Variants in CRTC3 observed in about 807,000 individuals in gnomAD.
CRTC3 encodes the protein CREB-regulated transcription coactivator 3.
A neutral mutation model predicts 74.5 loss-of-function variants in CRTC3; 26 were observed. The observed-to-expected ratio is 0.35, with a 90% CI of 0.26 to 0.48. CRTC3 has a LOEUF of 0.48. Among genes scored for constraint, CRTC3 ranks in the 20% least tolerant of loss-of-function variants. The pLI is 0.99. For missense variants in CRTC3, 760 were observed against 787.3 expected (o/e 0.97, Z 0.41); for synonymous variants, 377 against 325.8 (o/e 1.16, Z -1.69).
chr15:90,608,602 T>G (rs1968286786), intron 6 of CRTC3, among the ~76,000 whole-genome samples: 1 of 152,254 alleles, frequency 6.6e-6, no homozygotes. Context: ...TCTTAGCACC[T>G]GCAATGCTTG....
intron 2 of CRTC3, among the ~76,000 whole-genome samples, chr15:90,545,810 CT>C (rs1966843367): frequency 6.6e-6 from 1 of 151,746 alleles, no homozygotes; most frequent in South Asian, 2.1e-4. Context: ...CATCTCCTGA[CT>C]TTGTGATCCG....
chr15:90,587,377 A>G (rs1967690334), intron 2 of CRTC3, among the ~76,000 whole-genome samples: 1 of 152,188 alleles, frequency 6.6e-6, no homozygotes, highest in Non-Finnish European at 1.5e-5. Flanking sequence ...CATTACAGAA[A>G]GAGTTCTGCC....
intron 2 of CRTC3, among the ~76,000 whole-genome samples, chr15:90,582,002 A>G (rs1967553274): frequency 6.6e-6 from 1 of 152,142 alleles, no homozygotes; most frequent in South Asian, 2.1e-4. Flanking sequence ...GTGGCCTCCA[A>G]GGGTGCCTTT....
At chr15:90,578,378 C>T (rs935104683) in intron 2 of CRTC3, among the ~76,000 whole-genome samples, 3 of 152,016 alleles carry the variant, frequency 2.0e-5, no homozygotes, top group Non-Finnish European at 4.4e-5. Flanking sequence ...AAAACCCCGT[C>T]TCTACTAAAA....
chr15:90,641,086 G>A lies in CRTC3; in HGVS notation c.1549-11G>A, dbSNP rs756611245. 8.8e-6 allele frequency: 14 copies of A among 1,593,152 alleles called. No individual in the cohort carries two copies. In the South Asian group the frequency reaches 8.8e-5, roughly 10 times the overall value. ...GTGTGGCCTTCCTCACATGACCTTC[G>A]ATGCTTCCAGGTGCCTCTGGTGCAA... On this transcript the variant is annotated splice_polypyrimidine_tract_variant and intron_variant, in intron 13 of 14. Coordinates refer to ENST00000268184, the MANE Select transcript of CRTC3 (RefSeq NM_022769.5).
At chr15:90,586,647 A>T (rs887701282) in intron 2 of CRTC3, among the ~76,000 whole-genome samples, 1 of 152,116 alleles carries the variant, frequency 6.6e-6, no homozygotes, top group Non-Finnish European at 1.5e-5. Context: ...GGTGTGAGCC[A>T]CCGTGCCTGG....
chr15:90,600,437 T>TC (rs1460278655), intron 3 of CRTC3: 1 of 151,856 alleles, frequency 6.6e-6, no homozygotes, highest in Non-Finnish European at 1.5e-5. Context: ...CCCAGAACAC[T>TC]CCAGGTACTA....
At chr15:90,585,612 G>A (rs565018595) in intron 2 of CRTC3, among the ~76,000 whole-genome samples, 3 of 152,264 alleles carry the variant, frequency 2.0e-5, no homozygotes, top group Admixed American at 6.5e-5. Flanking sequence ...TTAGTTTTTA[G>A]GCTGCTACAA....
At chr15:90,555,348 A>G (rs1250512257) in intron 2 of CRTC3, among the ~76,000 whole-genome samples, 1 of 152,212 alleles carries the variant, frequency 6.6e-6, no homozygotes, top group East Asian at 1.9e-4. Context: ...TTTATTCATT[A>G]ATAAGTATTT....
At chr15:90,612,802 C>T (rs1247016561) in intron 6 of CRTC3, among the ~76,000 whole-genome samples, 1 of 152,110 alleles carries the variant, frequency 6.6e-6, no homozygotes, top group Admixed American at 6.5e-5. Context: ...CTCTCTGCAC[C>T]TCAGTGTTCA....
chr15:90,626,115 C>T (rs1968827007), intron 10 of CRTC3, 122 bp downstream of exon 10: 2 of 786,826 alleles, frequency 2.5e-6, no homozygotes, highest in Admixed American at 1.9e-5. Context: ...TGATAATGTA[C>T]CTTCTTGTAT....
chr15:90,573,367 C>G (rs1967322511), intron 2 of CRTC3, among the ~76,000 whole-genome samples: 1 of 152,130 alleles, frequency 6.6e-6, no homozygotes, highest in African/African-American at 2.4e-5. Context: ...GTTTTATGCT[C>G]TAATTTGTAT....
At chr15:90,613,225 C>T (rs947168840) in intron 6 of CRTC3, among the ~76,000 whole-genome samples, 12 of 151,714 alleles carry the variant, frequency 7.9e-5, no homozygotes, top group Admixed American at 5.3e-4. Flanking sequence ...ATTCCTTGGC[C>T]GACTCTCACA....
intron 6 of CRTC3, among the ~76,000 whole-genome samples, chr15:90,612,019 A>ACCC (rs1968367761): frequency 1.6e-5 from 1 of 61,662 alleles, no homozygotes; most frequent in Non-Finnish European, 3.3e-5. Flanking sequence ...TTCCCCAACC[A>ACCC]CCCCCCACTC....
chr15:90,642,996 C>T lies in CRTC3; in HGVS notation c.*856C>T. On this transcript the variant is annotated 3_prime_UTR_variant, in exon 15 of 15. Transcript: ENST00000268184. ...CCCCACTAAGAGCAGCCAGAGGGAG[C>T]TGGTGAGGCCCTAACCCCACCCACC... The T allele has an allele frequency of 4.3e-6, 1 of 232,418 alleles. No homozygotes were observed. Among genetic ancestry groups the T allele is most frequent in the Non-Finnish European group, 8.5e-6 (1 of 117,558 alleles). 14.4% of individuals were successfully genotyped at this position (232,418 alleles called of 1,614,324 possible).
intron 11 of CRTC3, among the ~76,000 whole-genome samples, chr15:90,631,998 C>G (rs762360670): frequency 6.6e-6 from 1 of 151,744 alleles, no homozygotes; most frequent in Non-Finnish European, 1.5e-5. Flanking sequence ...ACTCCCTGAG[C>G]TCAGGTGATC....
At position 90,642,118 on chromosome 15, in the gene CRTC3, C is replaced by G; in HGVS notation, c.1838C>G (p.Thr613Arg). ...CTGCTGGACCCCTCTGTTGAAGAGA[C>G]GTTTCGAGCTGACAGACTGTGAACA... is the stretch of plus-strand genomic sequence containing the variant. ...MGLLDPSVEE[T>R]FRADRL Residue 613 changes from threonine to arginine, a missense_variant, in exon 15 of 15, where the codon ACG becomes AGG. Transcript: ENST00000268184. 3 of 1,613,924 alleles carry G rather than the reference C, an allele frequency of 1.9e-6. No homozygotes were observed. The highest frequency in any genetic ancestry group is 2.5e-6 in the Non-Finnish European group (3 of 1,179,982).
At chr15:90,561,586 G>T (rs1366646032) in intron 2 of CRTC3, among the ~76,000 whole-genome samples, 1 of 152,040 alleles carries the variant, frequency 6.6e-6, no homozygotes, top group Non-Finnish European at 1.5e-5. Flanking sequence ...ATATTCCCTC[G>T]CATTTTGAAT....
chr15:90,557,879 C>T (rs1966927587), intron 2 of CRTC3, among the ~76,000 whole-genome samples: 2 of 152,114 alleles, frequency 1.3e-5, no homozygotes, highest in African/African-American at 4.8e-5. Flanking sequence ...TGGTAACCTG[C>T]CTCGTTTCCC....
Sources: gnomAD v4.1 joint callset for allele counts (sites outside exome capture counted in the v4.1 genomes callset) on GRCh38, gnomAD v4.1.1 for gene constraint, MANE v1.5 for transcripts, NCBI Gene and HGNC (gene_info 2026-07-23, HGNC 2026-07-21) for gene names.